KANSL1: variants seen among roughly 807,000 people sequenced by gnomAD.
KANSL1 encodes the protein KAT8 regulatory NSL complex subunit 1.
Under a neutral mutation model 103.6 loss-of-function variants are expected in KANSL1, and 22 were observed. That is an observed-to-expected ratio of 0.21 (90% CI 0.15 to 0.30). The LOEUF (loss-of-function observed/expected upper bound fraction) is 0.30, where lower values mean the gene tolerates loss of function less well. Among genes scored for constraint, KANSL1 ranks in the 10% least tolerant of loss-of-function variants. KANSL1 has a pLI of 1.00. For synonymous variants in KANSL1, 600 were observed against 527.6 expected (o/e 1.14, Z -1.88); for missense variants, 1,337 against 1,399.8 (o/e 0.96, Z 0.72).
intron 2 of KANSL1, among the ~76,000 whole-genome samples, chr17:46,166,810 G>A (rs1435051697): frequency 6.6e-6 from 1 of 152,106 alleles, no homozygotes; most frequent in Non-Finnish European, 1.5e-5. Context: ...CAGCACCCAG[G>A]TAATAAAAAC....
In KANSL1 at chr17:46,157,218, C is replaced by T. The variant is rs183454645; in HGVS notation, c.1289+13637G>A. Among the ~76,000 whole-genome samples the T allele has an allele frequency of 3.2e-4, 49 of 152,328 alleles. 1 individual carries two copies. The highest frequency in any genetic ancestry group is 2.5e-3 in the Admixed American group (38 of 15,310). On this transcript the variant is annotated intron_variant, in intron 2 of 14. Transcript: ENST00000432791. ...CCATTCAGATTACCAATTATGGTAA[C>T]TCCCCTGATCACTGTTTAAGTACTA...
chr17:46,145,367 A>C (rs940946081), intron 2 of KANSL1, among the ~76,000 whole-genome samples: 1 of 152,246 alleles, frequency 6.6e-6, no homozygotes, highest in Non-Finnish European at 1.5e-5. Context: ...CTACTGATTT[A>C]TGCAATAAAC....
chr17:46,171,938 T>C lies in KANSL1; in HGVS notation c.206A>G (p.Lys69Arg). The part of the protein sequence containing the change: ...PSLDFRNNPT[K>R]EDLGKLQPLV... ...TGGTTGCAGCTTTCCCAAGTCTTCCTTGGTAGGATTATTTCGGAAATCTAG... is the reference window on the plus strand; with the variant it reads ...TGGTTGCAGCTTTCCCAAGTCTTCCCTGGTAGGATTATTTCGGAAATCTAG... The change falls in exon 2 of 15, where the codon AAG (lysine) becomes AGG (arginine). Residue 69 changes from lysine (K) to arginine (R), a missense_variant. By Grantham distance (26) the Lys-to-Arg change is conservative. Coordinates refer to ENST00000432791, the MANE Select transcript of KANSL1 (RefSeq NM_015443.4). 1 of 1,614,266 alleles carries C rather than the reference T, an allele frequency of 6.2e-7. No individual in the cohort carries two copies. The highest frequency in any genetic ancestry group is 8.5e-7 in the Non-Finnish European group (1 of 1,180,050).
At chr17:46,129,577 T>C (rs1392109481) in intron 2 of KANSL1, among the ~76,000 whole-genome samples, 1 of 152,232 alleles carries the variant, frequency 6.6e-6, no homozygotes, top group Non-Finnish European at 1.5e-5. Context: ...GTGGTACTGG[T>C]ATCAGGAATC....
intron 2 of KANSL1, among the ~76,000 whole-genome samples, chr17:46,110,412 G>C (rs1400792400): frequency 6.6e-6 from 1 of 152,108 alleles, no homozygotes; most frequent in African/African-American, 2.4e-5. Flanking sequence ...CTGTCAAGTG[G>C]GTATTATGAT....
At chr17:46,043,067 G>A (rs1332318923) in intron 7 of KANSL1, 2 of 151,972 alleles carry the variant, frequency 1.3e-5, no homozygotes, top group South Asian at 2.1e-4. Flanking sequence ...AGAAGCATTC[G>A]GCCCTGTAAA....
chr17:46,170,800 T>C, intron 2 of KANSL1, 55 bp downstream of exon 2: 2 of 1,496,224 alleles, frequency 1.3e-6, no homozygotes, highest in Non-Finnish European at 9.0e-7. Flanking sequence ...GATTCATTCA[T>C]TCTTCCTTGT....
chr17:46,200,302 C>T (rs1370092537), intron 1 of KANSL1, among the ~76,000 whole-genome samples: 7 of 152,070 alleles, frequency 4.6e-5, no homozygotes. Context: ...AGTTCTTTTC[C>T]AAAGGAAACA....
intron 2 of KANSL1, among the ~76,000 whole-genome samples, chr17:46,168,475 G>T (rs2046118641): frequency 6.6e-6 from 1 of 152,118 alleles, no homozygotes; most frequent in Non-Finnish European, 1.5e-5. Flanking sequence ...AGCCTCCAGA[G>T]CAGCTGGATG....
At chr17:46,034,522 C>T (rs1383388506) in intron 10 of KANSL1, 2 of 440,112 alleles carry the variant, frequency 4.5e-6, no homozygotes, top group African/African-American at 4.1e-5. Context: ...CCACTGGTCA[C>T]CCTCTTCCTT....
Position 46,031,532 on chromosome 17 carries a change from G to A in KANSL1, c.3262C>T (p.Leu1088Phe), listed in dbSNP as rs1276705475. 1 of 1,614,020 alleles carries A rather than the reference G, an allele frequency of 6.2e-7. No individual in the cohort carries two copies. Among genetic ancestry groups the A allele is most frequent in the East Asian group, 2.2e-5 (1 of 44,876 alleles). The change falls in exon 15 of 15, where the codon CTC (leucine) becomes TTC (phenylalanine). Residue 1088 changes from leucine to phenylalanine, a missense_variant. This residue lies in a region of KANSL1 where 780 missense variants were observed against 923.4 expected (regional missense o/e 0.84). Transcript: ENST00000432791. ...AAPTSPPIVP[L>F]KSRHLVAAAT... ...GCTGCCACCAGATGCCGACTCTTGA[G>A]GGGGACAATGGGAGGCGAGGTGGGC... is the stretch of plus-strand genomic sequence containing the variant.
intron 4 of KANSL1, among the ~76,000 whole-genome samples, chr17:46,077,517 A>C (rs1351204135): frequency 6.6e-6 from 1 of 152,064 alleles, no homozygotes; most frequent in Non-Finnish European, 1.5e-5. Flanking sequence ...TTTTACTACA[A>C]TGTTGTGATT....
chr17:46,096,704 C>T (rs1361265521), intron 2 of KANSL1, among the ~76,000 whole-genome samples: 7 of 151,940 alleles, frequency 4.6e-5, no homozygotes, highest in Non-Finnish European at 7.4e-5. Flanking sequence ...CTGCAAGCTC[C>T]GCCTCCCGGG....
chr17:46,129,621 AAC>A (rs1223529525), intron 2 of KANSL1, among the ~76,000 whole-genome samples: 2 of 152,236 alleles, frequency 1.3e-5, no homozygotes, highest in Non-Finnish European at 2.9e-5. Context: ...GTGTTTTTAA[AAC>A]ACAGACAAAA....
chr17:46,147,572 T>TAAAAAAAAAAAAAAA, intron 2 of KANSL1, among the ~76,000 whole-genome samples: 1 of 103,068 alleles, frequency 9.7e-6, no homozygotes, highest in Non-Finnish European at 1.8e-5. Context: ...TGAGACTCTT[T>TAAAAAAAAAAAAAAA]AAAAAAAAAA....
chr17:46,176,388 G>A (rs1020769676), intron 1 of KANSL1, among the ~76,000 whole-genome samples: 8 of 152,174 alleles, frequency 5.3e-5, no homozygotes, highest in African/African-American at 1.9e-4. Flanking sequence ...AAAAAATGCC[G>A]GCTTAAATCC....
intron 1 of KANSL1, among the ~76,000 whole-genome samples, chr17:46,202,792 A>G (rs2047846127): frequency 6.6e-6 from 1 of 152,252 alleles, no homozygotes; most frequent in Non-Finnish European, 1.5e-5. Flanking sequence ...TATAATATTC[A>G]ATATTTTCCA....
intron 13 of KANSL1, 27 bp from the exon 14 acceptor site, chr17:46,032,326 G>A (rs1314686765): frequency 2.7e-6 from 4 of 1,492,088 alleles, no homozygotes; most frequent in African/African-American, 1.4e-5. Flanking sequence ...GCAAATCTGA[G>A]TGCCTGGGAA....
At chr17:46,182,233 G>A (rs1296956965) in intron 1 of KANSL1, among the ~76,000 whole-genome samples, 1 of 152,128 alleles carries the variant, frequency 6.6e-6, no homozygotes, top group Admixed American at 6.6e-5. Context: ...GAAAAAGGAG[G>A]AAACACGAAT....
Sources: gnomAD v4.1 joint callset for allele counts (sites outside exome capture counted in the v4.1 genomes callset) on GRCh38, gnomAD v4.1.1 for gene constraint, gnomAD v4.1.1 regional missense constraint, MANE v1.5 for transcripts, NCBI Gene and HGNC (gene_info 2026-07-23, HGNC 2026-07-21) for gene names.